ANGPT1: variants seen among roughly 807,000 people sequenced by gnomAD.
ANGPT1 encodes angiopoietin-1.
ANGPT1 carries 17 observed loss-of-function variants against 62.2 expected under a neutral mutation model. That is an observed-to-expected ratio of 0.27 (90% CI 0.19 to 0.41). The LOEUF is 0.41. ANGPT1 is among the 10% of genes least tolerant of loss of function. The probability of loss-of-function intolerance (pLI) is 1.00; values close to 1 mark genes in which losing one functional copy is unlikely to be tolerated. For missense variants in ANGPT1, 478 were observed against 594.9 expected (o/e 0.80, Z 2.04); for synonymous variants, 199 against 198.9 (o/e 1.00, Z 0.00).
At chr8:107,486,165 GAC>G (rs1812809066) in intron 1 of ANGPT1, among the ~76,000 whole-genome samples, 1 of 152,210 alleles carries the variant, frequency 6.6e-6, no homozygotes, top group Non-Finnish European at 1.5e-5. Flanking sequence ...TAAGGGTTTA[GAC>G]ACAAAGACAA....
intron 1 of ANGPT1, among the ~76,000 whole-genome samples, chr8:107,453,404 A>C (rs148204862): frequency 0.038 from 5,777 of 152,156 alleles, 119 homozygotes; most frequent in African/African-American, 0.057. Flanking sequence ...GGGAGGCCTC[A>C]CAATTATGGT....
At chr8:107,364,455 AT>A (rs1042829170) in intron 1 of ANGPT1, among the ~76,000 whole-genome samples, 1 of 151,844 alleles carries the variant, frequency 6.6e-6, no homozygotes, top group African/African-American at 2.4e-5. Flanking sequence ...TAATTTTTAT[AT>A]TTTCAGTAGA....
intron 1 of ANGPT1, among the ~76,000 whole-genome samples, chr8:107,451,968 T>C (rs923631503): frequency 1.1e-4 from 16 of 151,916 alleles, no homozygotes; most frequent in African/African-American, 3.9e-4. Flanking sequence ...GTTTACTTAA[T>C]TCCTAAATTT....
At chr8:107,364,926 T>C (rs574611883) in intron 1 of ANGPT1, among the ~76,000 whole-genome samples, 23 of 151,394 alleles carry the variant, frequency 1.5e-4, no homozygotes, top group African/African-American at 5.3e-4. Flanking sequence ...ACTGTGCAGG[T>C]AAGAGGTGTA....
At chr8:107,314,648 T>C (rs1240061629) in intron 4 of ANGPT1, among the ~76,000 whole-genome samples, 2 of 152,204 alleles carry the variant, frequency 1.3e-5, no homozygotes, top group African/African-American at 4.8e-5. Flanking sequence ...ATGTTTGACA[T>C]ATAATTTTCT....
At chr8:107,454,718 C>A (rs1053343926) in intron 1 of ANGPT1, among the ~76,000 whole-genome samples, 1 of 152,166 alleles carries the variant, frequency 6.6e-6, no homozygotes, top group African/African-American at 2.4e-5. Context: ...GTTTCTCAGA[C>A]AAATTTCACC....
chr8:107,326,604 C>T (rs544521743), intron 3 of ANGPT1, among the ~76,000 whole-genome samples: 1 of 152,080 alleles, frequency 6.6e-6, no homozygotes, highest in South Asian at 2.1e-4. Context: ...GTCAGCCCTT[C>T]CTTGTCATTA....
At chr8:107,418,221 G>A (rs1563613847) in intron 1 of ANGPT1, among the ~76,000 whole-genome samples, 3 of 152,218 alleles carry the variant, frequency 2.0e-5, no homozygotes, top group Middle Eastern at 3.4e-3. Flanking sequence ...GTGGAAAACA[G>A]TAATTTACTT....
At chr8:107,380,359 TTGTG>T (rs71308731) in intron 1 of ANGPT1, among the ~76,000 whole-genome samples, 4,416 of 148,772 alleles carry the variant, frequency 0.03, 112 homozygotes, top group African/African-American at 0.069. Flanking sequence ...TGCAGGATGT[TTGTG>T]TGTGTGTGTG....
At chr8:107,364,584 T>C (rs1816234630) in intron 1 of ANGPT1, among the ~76,000 whole-genome samples, 1 of 152,166 alleles carries the variant, frequency 6.6e-6, no homozygotes. Flanking sequence ...CCCAGCCCGA[T>C]GGTTAATATT....
At chr8:107,308,100 T>C (rs1814763603) in intron 4 of ANGPT1, among the ~76,000 whole-genome samples, 1 of 152,160 alleles carries the variant, frequency 6.6e-6, no homozygotes, top group Non-Finnish European at 1.5e-5. Context: ...TCAACAAATA[T>C]TGATGGACAT....
chr8:107,317,356 T>A (rs1189823276), intron 4 of ANGPT1, among the ~76,000 whole-genome samples: 1 of 152,208 alleles, frequency 6.6e-6, no homozygotes, highest in East Asian at 1.9e-4. Flanking sequence ...CAGAACTGTT[T>A]TGAATGAATG....
intron 2 of ANGPT1, among the ~76,000 whole-genome samples, chr8:107,340,186 C>A (rs1815663924): frequency 6.6e-6 from 1 of 151,964 alleles, no homozygotes; most frequent in Non-Finnish European, 1.5e-5. Flanking sequence ...CCTTCTTAGC[C>A]TAAACACATT....
chr8:107,354,002 A>G (rs986982073), intron 1 of ANGPT1, among the ~76,000 whole-genome samples: 1 of 152,112 alleles, frequency 6.6e-6, no homozygotes, highest in African/African-American at 2.4e-5. Context: ...ATCAAGGGCA[A>G]CCCAGAAAAT....
intron 1 of ANGPT1, among the ~76,000 whole-genome samples, chr8:107,366,488 T>A (rs967950814): frequency 6.6e-6 from 1 of 152,100 alleles, no homozygotes; most frequent in Non-Finnish European, 1.5e-5. Flanking sequence ...GTTTGCTGTG[T>A]TTTTTTAAGA....
At chr8:107,278,284 A>G (rs1228491287) in intron 7 of ANGPT1, among the ~76,000 whole-genome samples, 1 of 151,972 alleles carries the variant, frequency 6.6e-6, no homozygotes, top group Non-Finnish European at 1.5e-5. Flanking sequence ...AGTTCTCGCT[A>G]TGTTGCCCAG....
At chr8:107,462,126 G>T (rs1812086909) in intron 1 of ANGPT1, among the ~76,000 whole-genome samples, 1 of 152,022 alleles carries the variant, frequency 6.6e-6, no homozygotes, top group Non-Finnish European at 1.5e-5. Context: ...TTTCTTGGAA[G>T]TTAGAACAAT....
chr8:107,492,584 G>C (rs574552375), intron 1 of ANGPT1, among the ~76,000 whole-genome samples: 2 of 151,406 alleles, frequency 1.3e-5, no homozygotes, highest in Non-Finnish European at 2.9e-5. Flanking sequence ...TGATCTGCCC[G>C]CCTTGGCGTC....
At chr8:107,396,818 C>T (rs1201935889) in intron 1 of ANGPT1, among the ~76,000 whole-genome samples, 6 of 152,034 alleles carry the variant, frequency 3.9e-5, no homozygotes, top group South Asian at 4.2e-4. Flanking sequence ...CCACTGCACC[C>T]GGCCCTTCTT....
Sources: allele counts gnomAD v4.1 joint callset (sites outside exome capture counted in the v4.1 genomes callset), GRCh38; gene constraint gnomAD v4.1.1; transcripts MANE v1.5; gene names NCBI Gene and HGNC (gene_info 2026-07-23, HGNC 2026-07-21).